RBFOX1: variants seen among roughly 807,000 people sequenced by gnomAD.
RBFOX1 encodes the protein RNA binding fox-1 homolog 1, also known as RNA binding protein fox-1 homolog 1.
A neutral mutation model predicts 57.7 loss-of-function variants in RBFOX1; 8 were observed. The ratio of observed to expected loss-of-function variants is 0.14; its 90% CI spans 0.08 to 0.25. RBFOX1 has a LOEUF of 0.25. RBFOX1 is among the 10% of genes least tolerant of loss of function. The probability of loss-of-function intolerance (pLI) is 1.00; values close to 1 mark genes in which losing one functional copy is unlikely to be tolerated. For synonymous variants in RBFOX1, 326 were observed against 222.4 expected (o/e 1.47, Z -4.15); for missense variants, 611 against 548.5 (o/e 1.11, Z -1.14).
intron 3 of RBFOX1, among the ~76,000 whole-genome samples, chr16:7,041,235 T>A (rs529788676): frequency 2.1e-3 from 312 of 152,038 alleles, no homozygotes; most frequent in Non-Finnish European, 3.6e-3. Flanking sequence ...CATCCAACCC[T>A]GTAAATAAAA....
chr16:5,967,831 C>G lies in RBFOX1; in HGVS notation c.351+100496C>G, dbSNP rs188524618. On this transcript the variant is annotated intron_variant, in intron 4 of 19. Transcript: ENST00000641259. ...ACGTCAGTTTTTACTACCATCAATT[C>G]GGATATCTGAAAGCAGGGGTATTTT... 2.0e-5 allele frequency among the ~76,000 whole-genome samples: 3 copies of G among 152,164 alleles called. No individual in the cohort carries two copies. The South Asian group carries it at 6.2e-4, about 32-fold the overall frequency.
At chr16:5,516,814 C>G (rs983767650) in intron 2 of RBFOX1, among the ~76,000 whole-genome samples, 1 of 152,138 alleles carries the variant, frequency 6.6e-6, no homozygotes, top group African/African-American at 2.4e-5. Flanking sequence ...ACTCATTCTT[C>G]TCTCTCCTGC....
At position 6,966,757 on chromosome 16, in the gene RBFOX1, G is replaced by T. The variant is rs1263010562; in HGVS notation, c.-15-85300G>T. The stretch of plus-strand genomic sequence containing the variant: ...TAACTCTGCCTGCCTCTATCTGTCT[G>T]TCTGTCTATCTATCTATCTATCTAT... On this transcript the variant is annotated intron_variant, in intron 3 of 15. Transcript: ENST00000550418. Among the ~76,000 whole-genome samples, 128 of 99,952 alleles carry T rather than the reference G, an allele frequency of 1.3e-3. 1 individual carries two copies. The highest frequency in any genetic ancestry group is 5.1e-3 in the African/African-American group (120 of 23,446). The allele number at this position is 99,952 out of a possible 152,430, so 65.6% of individuals were successfully genotyped here. A position where few individuals can be genotyped will look rare whatever the true frequency, so the allele number is the denominator to read the frequency against.
At chr16:6,844,602 T>C (rs1303396339) in intron 3 of RBFOX1, among the ~76,000 whole-genome samples, 1 of 152,148 alleles carries the variant, frequency 6.6e-6, no homozygotes, top group Non-Finnish European at 1.5e-5. Context: ...GGCATTTAGG[T>C]TGAGTCCTTG....
intron 1 of RBFOX1, among the ~76,000 whole-genome samples, chr16:5,386,757 G>A (rs1236349916): frequency 2.0e-5 from 3 of 152,136 alleles, no homozygotes; most frequent in Non-Finnish European, 4.4e-5. Context: ...GTACTTCTAA[G>A]AACGTACTTT....
chr16:5,570,569 G>A (rs995713962), intron 2 of RBFOX1, among the ~76,000 whole-genome samples: 3 of 152,290 alleles, frequency 2.0e-5, no homozygotes, highest in East Asian at 1.9e-4. Context: ...GTTGGATGTG[G>A]TGGTTCACGC....
At chr16:6,237,413 G>A (rs1379526871) in intron 1 of RBFOX1, among the ~76,000 whole-genome samples, 1 of 152,160 alleles carries the variant, frequency 6.6e-6, no homozygotes, top group Admixed American at 6.5e-5. Context: ...GTTCAGAGAG[G>A]TAAGCCAACG....
At chr16:5,692,654 C>T (rs898397641) in intron 3 of RBFOX1, among the ~76,000 whole-genome samples, 13 of 152,016 alleles carry the variant, frequency 8.6e-5, no homozygotes, top group Non-Finnish European at 1.0e-4. Flanking sequence ...CACACTCCTA[C>T]GTAGGGACCA....
chr16:7,108,508 A>G (rs1460107190), intron 4 of RBFOX1, among the ~76,000 whole-genome samples: 1 of 152,132 alleles, frequency 6.6e-6, no homozygotes, highest in East Asian at 1.9e-4. Context: ...TCTCCAGGAT[A>G]TGTTTCTAGG....
At chr16:7,690,448 G>A (rs1367202188) in intron 14 of RBFOX1, among the ~76,000 whole-genome samples, 1 of 152,092 alleles carries the variant, frequency 6.6e-6, no homozygotes, top group Non-Finnish European at 1.5e-5. Context: ...ACAATGTGCA[G>A]CCAAGGTTGA....
intron 1 of RBFOX1, among the ~76,000 whole-genome samples, chr16:6,172,262 G>T (rs1229906495): frequency 6.6e-6 from 1 of 151,454 alleles, no homozygotes; most frequent in Non-Finnish European, 1.5e-5. Flanking sequence ...AGGGAGAGTG[G>T]GCCCCGGACA....
At position 6,292,313 on chromosome 16, in the gene RBFOX1, A is replaced by C. The variant is rs545038850; in HGVS notation, c.-126-24682A>C. Among the ~76,000 whole-genome samples, 77 of 152,060 alleles carry C rather than the reference A, an allele frequency of 5.1e-4. 1 individual carries two copies. Among genetic ancestry groups the C allele is most frequent in the South Asian group, 2.3e-3 (11 of 4,790 alleles). On this transcript the variant is annotated intron_variant, in intron 1 of 15. Coordinates refer to ENST00000550418, the MANE Select transcript of RBFOX1 (RefSeq NM_018723.4). The stretch of plus-strand genomic sequence containing the variant: ...TTTTTCCAATAAAGTCCCACATCCA[A>C]CTGTCTGGTGGAACTACCACCAATG...
At chr16:6,513,476 G>A (rs904443989) in intron 2 of RBFOX1, among the ~76,000 whole-genome samples, 3 of 152,212 alleles carry the variant, frequency 2.0e-5, no homozygotes, top group Non-Finnish European at 2.9e-5. Flanking sequence ...GCTCACGTCT[G>A]TAATCTCATC....
At chr16:5,699,080 T>C (rs953060239) in intron 3 of RBFOX1, among the ~76,000 whole-genome samples, 2 of 150,918 alleles carry the variant, frequency 1.3e-5, no homozygotes, top group Admixed American at 6.6e-5. Flanking sequence ...CTCCATCTCA[T>C]GGATTCAAGT....
chr16:6,802,731 T>A (rs1423550206), intron 3 of RBFOX1, among the ~76,000 whole-genome samples: 1 of 152,218 alleles, frequency 6.6e-6, no homozygotes, highest in Non-Finnish European at 1.5e-5. Context: ...CTTTATTCAT[T>A]TCGGCAAAAG....
chr16:6,371,215 C>T (rs1286838335), intron 2 of RBFOX1, among the ~76,000 whole-genome samples: 1 of 152,108 alleles, frequency 6.6e-6, no homozygotes, highest in Non-Finnish European at 1.5e-5. Context: ...TTTTAAAATA[C>T]CGATTTGTCA....
At chr16:6,089,576 A>G (rs145249250) in intron 1 of RBFOX1, among the ~76,000 whole-genome samples, 4 of 152,322 alleles carry the variant, frequency 2.6e-5, no homozygotes, top group African/African-American at 9.6e-5. Context: ...GAGTGATGCA[A>G]TGCATTTGTC....
chr16:5,939,462 G>A (rs1210175143), intron 4 of RBFOX1, among the ~76,000 whole-genome samples: 5 of 152,152 alleles, frequency 3.3e-5, no homozygotes, highest in African/African-American at 9.7e-5. Context: ...TGTGGCTTTT[G>A]GCAAAATTCC....
chr16:7,433,821 A>C (rs1181587859), intron 4 of RBFOX1, among the ~76,000 whole-genome samples: 1 of 151,650 alleles, frequency 6.6e-6, no homozygotes, highest in East Asian at 1.9e-4. Flanking sequence ...CTTTCTAAAA[A>C]TACTTATTTA....
Sources: allele counts gnomAD v4.1 joint callset (sites outside exome capture counted in the v4.1 genomes callset), GRCh38; gene constraint gnomAD v4.1.1; transcripts MANE v1.5; gene names NCBI Gene and HGNC (gene_info 2026-07-23, HGNC 2026-07-21).